MOSMO: variants seen among roughly 807,000 people sequenced by gnomAD.
MOSMO encodes the protein modulator of smoothened.
A neutral mutation model predicts 18.4 loss-of-function variants in MOSMO; 5 were observed. That is an observed-to-expected ratio of 0.27 (90% confidence interval 0.14 to 0.57). The LOEUF is 0.57. Ranked by LOEUF, MOSMO falls within the 20% of genes least tolerant of loss-of-function variation. The pLI is 0.92. For missense variants in MOSMO, 138 were observed against 211.8 expected, an observed-to-expected ratio of 0.65 and a Z score of 2.16; for synonymous variants, 82 against 82.3, an observed-to-expected ratio of 1.00 and a Z score of 0.02.
At chr16:22,034,324 G>T (rs1252128588) in intron 1 of MOSMO, among the ~76,000 whole-genome samples, 1 of 152,050 alleles carries the variant, frequency 6.6e-6, no homozygotes, top group Non-Finnish European at 1.5e-5. Context: ...CCTTATGTAG[G>T]TCCAAATTTC....
At chr16:22,050,769 T>C (rs1160126330) in intron 1 of MOSMO, among the ~76,000 whole-genome samples, 2 of 151,832 alleles carry the variant, frequency 1.3e-5, no homozygotes, top group South Asian at 2.1e-4. Context: ...TGTGTCAGGA[T>C]TGTCTAAGTC....
intron 1 of MOSMO, among the ~76,000 whole-genome samples, chr16:22,016,393 T>C (rs1164642884): frequency 6.6e-6 from 1 of 152,206 alleles, no homozygotes; most frequent in African/African-American, 2.4e-5. Context: ...TGTTTCCCTT[T>C]TGTACTGTCT....
Position 22,021,651 on chromosome 16 carries a change from A to T in MOSMO, c.106+13244A>T, listed in dbSNP as rs577194554. On this transcript the variant is annotated intron_variant, in intron 1 of 2. Transcript: ENST00000542527. ...TGTGTCTACAAAAAATACAAAAATT[A>T]ACCCGGCGTGATGGCGTGTTCCTGT... Among the ~76,000 whole-genome samples, 127 of 152,174 alleles carry T rather than the reference A, an allele frequency of 8.3e-4. 1 individual carries two copies. Among genetic ancestry groups the T allele is most frequent in the African/African-American group, 3.0e-3 (125 of 41,514 alleles).
chr16:22,071,739 G>GA (rs1365247588), intron 1 of MOSMO, among the ~76,000 whole-genome samples: 1 of 152,116 alleles, frequency 6.6e-6, no homozygotes, highest in Non-Finnish European at 1.5e-5. Context: ...GGCTGGGTTA[G>GA]TTACCTAGGA....
At chr16:22,092,334 TAGAAA>T (rs1428964321), downstream of MOSMO, 17 of 324,172 alleles carry the variant, frequency 5.2e-5, 1 homozygote, top group East Asian at 8.3e-4. Context: ...GTTCTGAAAT[TAGAAA>T]AGAGGTCTAA....
At chr16:22,089,908 G>A (rs145361608), downstream of MOSMO, 3 of 151,566 alleles carry the variant, frequency 2.0e-5, no homozygotes, top group African/African-American at 4.9e-5. Flanking sequence ...TAATCTGTCT[G>A]GGAGAATATC....
At chr16:22,040,674 G>A (rs926368903) in intron 1 of MOSMO, among the ~76,000 whole-genome samples, 4 of 152,212 alleles carry the variant, frequency 2.6e-5, no homozygotes, top group Admixed American at 6.5e-5. Context: ...TACATTATAT[G>A]TTTAAAGAAG....
chr16:22,021,987 A>G, intron 1 of MOSMO, among the ~76,000 whole-genome samples: 1 of 152,150 alleles, frequency 6.6e-6, no homozygotes, highest in East Asian at 1.9e-4. Flanking sequence ...TATCTGAAAC[A>G]TCTACCACAG....
chr16:22,064,229 G>A, intron 1 of MOSMO: 2 of 448,598 alleles, frequency 4.5e-6, no homozygotes, highest in South Asian at 3.2e-5. Context: ...AGGCTATGGG[G>A]TCATTAATGT....
At chr16:22,069,685 CA>C (rs1211636819) in intron 1 of MOSMO, among the ~76,000 whole-genome samples, 1 of 152,054 alleles carries the variant, frequency 6.6e-6, no homozygotes, top group Non-Finnish European at 1.5e-5. Context: ...AGAGCTCTAT[CA>C]AAATGGTAGT....
At chr16:22,016,377 T>A (rs950527100) in intron 1 of MOSMO, among the ~76,000 whole-genome samples, 1 of 152,204 alleles carries the variant, frequency 6.6e-6, no homozygotes, top group African/African-American at 2.4e-5. Flanking sequence ...ACATCTGGAT[T>A]TTTAGTGTTT....
intron 1 of MOSMO, among the ~76,000 whole-genome samples, chr16:22,065,916 A>T (rs1900738920): frequency 6.6e-6 from 1 of 152,226 alleles, no homozygotes; most frequent in Non-Finnish European, 1.5e-5. Flanking sequence ...TGGCAAAATT[A>T]TTAGGTCAAC....
At chr16:22,041,623 G>A (rs559922574) in intron 1 of MOSMO, among the ~76,000 whole-genome samples, 1 of 151,904 alleles carries the variant, frequency 6.6e-6, no homozygotes, top group African/African-American at 2.4e-5. Flanking sequence ...AAAGTAAAGG[G>A]TTAAGCTTCA....
In MOSMO at chr16:22,083,671, T is replaced by G; in HGVS notation, c.*2791T>G. 1 of 454,202 alleles carries G rather than the reference T, an allele frequency of 2.2e-6. No individual in the cohort carries two copies. Among genetic ancestry groups the G allele is most frequent in the South Asian group, 1.6e-5 (1 of 63,720 alleles). The allele number at this position is 454,202 out of a possible 1,614,324, so 28.1% of individuals were successfully genotyped here. ...TCAAACTTTTGTCTGTTTCATTGTT[T>G]TTAGAGTGTGTGCATTCTTCTCATA... On this transcript the variant is annotated 3_prime_UTR_variant, in exon 3 of 3. Transcript: ENST00000542527.
chr16:22,035,581 A>G (rs1322901173), intron 1 of MOSMO, among the ~76,000 whole-genome samples: 1 of 151,876 alleles, frequency 6.6e-6, no homozygotes, highest in Non-Finnish European at 1.5e-5. Flanking sequence ...ACCTTCATTC[A>G]GGTTTCTGTG....
At chr16:22,046,250 T>G (rs1200190426) in intron 1 of MOSMO, among the ~76,000 whole-genome samples, 1 of 152,202 alleles carries the variant, frequency 6.6e-6, no homozygotes, top group Non-Finnish European at 1.5e-5. Flanking sequence ...CATGGTTCTT[T>G]TTTGTTTTTT....
At chr16:22,034,744 GTTT>G (rs890874059) in intron 1 of MOSMO, among the ~76,000 whole-genome samples, 742 of 55,288 alleles carry the variant, frequency 0.013, 6 homozygotes, top group African/African-American at 0.036. Context: ...GTTTTTTTGG[GTTT>G]TTTTTTTTTT....
intron 1 of MOSMO, among the ~76,000 whole-genome samples, chr16:22,025,477 T>C (rs1899857384): frequency 1.3e-5 from 2 of 152,202 alleles, no homozygotes; most frequent in African/African-American, 4.8e-5. Context: ...GTTTACCTCA[T>C]ATGAATAGTA....
At chr16:22,078,371 C>T (rs753508079) in intron 2 of MOSMO, among the ~76,000 whole-genome samples, 3 of 152,088 alleles carry the variant, frequency 2.0e-5, no homozygotes, top group Non-Finnish European at 2.9e-5. Context: ...AAATCTGCTC[C>T]CAGGAAGTAT....
Sources: gnomAD v4.1 joint callset for allele counts (sites outside exome capture counted in the v4.1 genomes callset) on GRCh38, gnomAD v4.1.1 for gene constraint, MANE v1.5 for transcripts, NCBI Gene and HGNC (gene_info 2026-07-23, HGNC 2026-07-21) for gene names.